Variants in CUX2 observed in about 807,000 individuals in gnomAD.
The protein encoded by CUX2 is cut like homeobox 2.
A neutral mutation model predicts 144.8 loss-of-function variants in CUX2; 40 were observed. The observed-to-expected ratio is 0.28, with a 90% CI of 0.21 to 0.36. The LOEUF (loss-of-function observed/expected upper bound fraction) is 0.36, where lower values mean the gene tolerates loss of function less well. CUX2 is among the 10% of genes least tolerant of loss of function. The pLI is 1.00. For missense variants in CUX2, 1,615 were observed against 1,994.0 expected (o/e 0.81, Z 3.62); for synonymous variants, 827 against 875.6 (o/e 0.94, Z 0.98).
At chr12:111,078,846 A>C (rs2136039903) in intron 1 of CUX2, among the ~76,000 whole-genome samples, 1 of 152,180 alleles carries the variant, frequency 6.6e-6, no homozygotes. Flanking sequence ...GTGAGTGATG[A>C]TGGTGGCTTA....
At chr12:111,297,767 G>A (rs1056414703) in intron 8 of CUX2, among the ~76,000 whole-genome samples, 1 of 152,208 alleles carries the variant, frequency 6.6e-6, no homozygotes, top group Non-Finnish European at 1.5e-5. Context: ...AAAAACTGAT[G>A]TGCAGTGATA....
chr12:111,070,733 C>A (rs552545806), intron 1 of CUX2, among the ~76,000 whole-genome samples: 53 of 152,146 alleles, frequency 3.5e-4, no homozygotes, highest in African/African-American at 1.2e-3. Context: ...TTTTTGCTGC[C>A]CTAAAAATCA....
intron 6 of CUX2, among the ~76,000 whole-genome samples, chr12:111,294,375 T>A (rs1396625615): frequency 6.6e-6 from 1 of 152,154 alleles, no homozygotes; most frequent in African/African-American, 2.4e-5. Context: ...CCCAAAGTGC[T>A]GGGATTACAG....
intron 1 of CUX2, among the ~76,000 whole-genome samples, chr12:111,063,660 T>A (rs905976970): frequency 2.6e-5 from 4 of 152,312 alleles, no homozygotes; most frequent in African/African-American, 9.6e-5. Context: ...GGCTGGCTCC[T>A]GGAAGGGTAA....
Position 111,348,204 on chromosome 12 carries a change from C to T in CUX2, c.4340C>T (p.Pro1447Leu), listed in dbSNP as rs369462639. The T allele has an allele frequency of 3.2e-5, 51 of 1,613,968 alleles. No individual in the cohort carries two copies. Among genetic ancestry groups the T allele is most frequent in the Admixed American group, 2.2e-4 (13 of 60,006 alleles). ...GCTGACATGGCTGGAGCCTTGCACC[C>T]CAGTGCCAAGGTGAACCCCAACTTG... ...PTADMAGALH[P>L]SAKVNPNLQR... The change falls in exon 22 of 22, where the codon CCC (proline) becomes CTC (leucine). Residue 1447 changes from proline (P) to leucine (L), a missense_variant. Coordinates refer to ENST00000261726, the MANE Select transcript of CUX2 (RefSeq NM_015267.4).
At chr12:111,226,278 C>G (rs1882139415) in intron 3 of CUX2, among the ~76,000 whole-genome samples, 2 of 152,156 alleles carry the variant, frequency 1.3e-5, no homozygotes, top group Non-Finnish European at 2.9e-5. Flanking sequence ...AACAGAATTC[C>G]TTTGATGGTG....
Position 111,156,715 on chromosome 12 carries a change from C to T in CUX2, c.64-57485C>T, listed in dbSNP as rs540151812. 2.0e-4 allele frequency among the ~76,000 whole-genome samples: 31 copies of T among 152,286 alleles called. No individual in the cohort carries two copies. In the South Asian group the frequency reaches 6.0e-3, roughly 30 times the overall value. ...AAACAAAGCCGAGTGCGGTGGCTCA[C>T]GCCTGTAATCCCAGCACTTTGGGAG... On this transcript the variant is annotated intron_variant, in intron 1 of 21. Coordinates refer to ENST00000261726, the MANE Select transcript of CUX2 (RefSeq NM_015267.4).
At chr12:111,181,665 T>C (rs1170768836) in intron 1 of CUX2, among the ~76,000 whole-genome samples, 2 of 152,164 alleles carry the variant, frequency 1.3e-5, no homozygotes, top group Non-Finnish European at 2.9e-5. Flanking sequence ...GATCTATAAA[T>C]TGATGGAATT....
At chr12:111,330,692 T>C (rs11065868) in intron 18 of CUX2, among the ~76,000 whole-genome samples, 4,291 of 8,892 alleles carry the variant, frequency 0.48, 259 homozygotes, top group East Asian at 0.63. Context: ...TATACATATA[T>C]ATATATATAT....
rs573533827 is a variant in CUX2 at position 111,320,574 on chromosome 12, G to T, written c.2565G>T (p.Glu855Asp). The T allele has an allele frequency of 6.5e-7, 1 of 1,528,666 alleles. No individual in the cohort carries two copies. Among genetic ancestry groups the T allele is most frequent in the Non-Finnish European group, 8.7e-7 (1 of 1,146,034 alleles). The allele number at this position is 1,528,666 out of a possible 1,614,324, so 94.7% of individuals were successfully genotyped here. The part of the protein sequence containing the change: ...EPPRTGELKA[E>D]GATAEAGARL... ...CCAGGACGGGCGAGCTCAAGGCTGA[G>T]GGCGCGACGGCCGAGGCGGGCGCGC... Residue 855 changes from glutamate to aspartate, a missense_variant, in exon 17 of 22, where the codon GAG becomes GAT. This residue lies in a region of CUX2 where 390 missense variants were observed against 387.1 expected (regional missense o/e 1.01). Coordinates refer to ENST00000261726, the MANE Select transcript of CUX2 (RefSeq NM_015267.4). The surrounding 1 kb of genome is among the most constrained non-coding windows in gnomAD (Gnocchi z 8.1).
chr12:111,162,068 G>A (rs927558262), intron 1 of CUX2, among the ~76,000 whole-genome samples: 2 of 152,194 alleles, frequency 1.3e-5, no homozygotes, highest in African/African-American at 2.4e-5. Context: ...CTTCAGCAGG[G>A]GCGTTACTGT....
intron 20 of CUX2, among the ~76,000 whole-genome samples, chr12:111,341,400 A>G (rs1172663248): frequency 2.0e-5 from 3 of 152,176 alleles, no homozygotes; most frequent in Non-Finnish European, 2.9e-5. Flanking sequence ...GGTTGAAGCT[A>G]CAGTGAGCCA....
At chr12:111,278,737 A>AT (rs1350606894) in intron 4 of CUX2, among the ~76,000 whole-genome samples, 1 of 152,140 alleles carries the variant, frequency 6.6e-6, no homozygotes, top group Non-Finnish European at 1.5e-5. Flanking sequence ...CATTTTAAAG[A>AT]TTTTTTGTCA....
At chr12:111,241,703 C>A (rs1467436014) in intron 3 of CUX2, among the ~76,000 whole-genome samples, 1 of 152,268 alleles carries the variant, frequency 6.6e-6, no homozygotes, top group Non-Finnish European at 1.5e-5. Flanking sequence ...CTCATTCAAC[C>A]CATGTTTCTG....
rs1885545585 is a variant in CUX2 at position 111,289,099 on chromosome 12, G to A, written c.302-2319G>A. ...GATCACGCCACTGCACTCCAGCCTG[G>A]GCAACAGAGCCAGATTCTGTCTCAA... On this transcript the variant is annotated intron_variant, in intron 4 of 21. Transcript: ENST00000261726. This position sits in a 1 kb window ranked among gnomAD's most constrained non-coding sequence, Gnocchi z 4.1. Among the ~76,000 whole-genome samples, 1 of 152,124 alleles carries A rather than the reference G, an allele frequency of 6.6e-6. No individual in the cohort carries two copies. Among genetic ancestry groups the A allele is most frequent in the Non-Finnish European group, 1.5e-5 (1 of 68,036 alleles).
At chr12:111,273,425 G>A (rs1359966558) in intron 4 of CUX2, among the ~76,000 whole-genome samples, 1 of 152,158 alleles carries the variant, frequency 6.6e-6, no homozygotes, top group Non-Finnish European at 1.5e-5. Flanking sequence ...AAGTGACGGA[G>A]CCTGAATCTA....
Position 111,188,217 on chromosome 12 carries a change from G to A in CUX2, c.64-25983G>A, listed in dbSNP as rs768692784. ...TGGAATGGATTTTTCTACGTCAATA[G>A]ACAGGTTACTAACACAAGTGTCTGC... On this transcript the variant is annotated intron_variant, in intron 1 of 21. Transcript: ENST00000261726. Among the ~76,000 whole-genome samples the A allele has an allele frequency of 9.4e-4, 143 of 152,220 alleles. 2 individuals are homozygous for A. Among genetic ancestry groups the A allele is most frequent in the Admixed American group, 5.2e-4 (8 of 15,286 alleles).
At chr12:111,259,934 G>A (rs191839360) in intron 3 of CUX2, among the ~76,000 whole-genome samples, 1 of 152,180 alleles carries the variant, frequency 6.6e-6, no homozygotes. Context: ...GGCCGAGGCG[G>A]GTGGATTGCC....
intron 1 of CUX2, among the ~76,000 whole-genome samples, chr12:111,183,507 C>G (rs1347247998): frequency 6.6e-6 from 1 of 152,222 alleles, no homozygotes; most frequent in Non-Finnish European, 1.5e-5. Context: ...TTGTTGTTTA[C>G]CTGGCTGGGA....
Sources: allele counts gnomAD v4.1 joint callset (sites outside exome capture counted in the v4.1 genomes callset), GRCh38; gene constraint gnomAD v4.1.1; regional missense constraint gnomAD v4.1.1; non-coding constraint Gnocchi (gnomAD v3.1); transcripts MANE v1.5; gene names NCBI Gene and HGNC (gene_info 2026-07-23, HGNC 2026-07-21).